Variants in UNC5D observed in about 807,000 individuals in gnomAD.
The protein encoded by UNC5D is unc-5 netrin receptor D.
UNC5D carries 39 observed loss-of-function variants against 105.4 expected under a neutral mutation model. That is an observed-to-expected ratio of 0.37 (90% CI 0.29 to 0.48). The LOEUF is 0.48. Among genes scored for constraint, UNC5D ranks in the 20% least tolerant of loss-of-function variants. The pLI is 0.98. For missense variants in UNC5D, 991 were observed against 1,202.4 expected (o/e 0.82, Z 2.60); for synonymous variants, 452 against 450.4 (o/e 1.00, Z -0.04).
rs1830112211 is a variant in UNC5D at position 35,748,528 on chromosome 8, C to T, written c.1768C>T (p.Leu590Phe). ...TCTATCCTTTTTTCAACTGTGAAGC[C>T]TCCAGTCAGATGGCTCTGAGGTGCT... Reference protein sequence around the residue: ...YMSINQGEPSLQSDGSEVLLS... With the variant: ...YMSINQGEPSFQSDGSEVLLS... Residue 590 changes from leucine (L) to phenylalanine (F), a missense_variant and splice_region_variant, in exon 12 of 17, where the codon CTC becomes TTC. Leu to Phe is a conservative substitution (Grantham distance 22, BLOSUM62 0). Coordinates refer to ENST00000404895, the MANE Select transcript of UNC5D (RefSeq NM_080872.4). The T allele has an allele frequency of 6.2e-7, 1 of 1,612,064 alleles. No homozygotes were observed. Among genetic ancestry groups the T allele is most frequent in the Non-Finnish European group, 8.5e-7 (1 of 1,179,378 alleles).
intron 1 of UNC5D, among the ~76,000 whole-genome samples, chr8:35,455,854 A>G (rs1258744778): frequency 6.6e-6 from 1 of 152,006 alleles, no homozygotes; most frequent in Admixed American, 6.6e-5. Context: ...CAAGAACAAT[A>G]TGGGGAAAAC....
chr8:35,644,386 C>T (rs1166192101), intron 4 of UNC5D, among the ~76,000 whole-genome samples: 5 of 152,052 alleles, frequency 3.3e-5, no homozygotes. Context: ...CCACAGGGGA[C>T]CAAGATGTTT....
At chr8:35,699,726 G>A (rs942143547) in intron 7 of UNC5D, among the ~76,000 whole-genome samples, 2 of 152,146 alleles carry the variant, frequency 1.3e-5, no homozygotes, top group African/African-American at 4.8e-5. Flanking sequence ...GGGAAGCTGG[G>A]GGGAGTAGGG....
intron 1 of UNC5D, among the ~76,000 whole-genome samples, chr8:35,291,512 G>A (rs1321844631): frequency 6.6e-6 from 1 of 152,146 alleles, no homozygotes; most frequent in African/African-American, 2.4e-5. Context: ...CTGATGGTGG[G>A]AAAACGGGCC....
At position 35,413,393 on chromosome 8, in the gene UNC5D, T is replaced by A. The variant is rs62505486; in HGVS notation, c.104-135899T>A. Among the ~76,000 whole-genome samples the A allele has an allele frequency of 1.5e-4, 23 of 151,538 alleles. 1 individual carries two copies. Among genetic ancestry groups the A allele is most frequent in the African/African-American group, 5.3e-4 (22 of 41,320 alleles). Reference sequence around the variant, plus strand: ...TTTACAGACTTTGAAAAAAAAAAGTTATTCAGCTGTTTAACTCCCCTCTTA... The same window carrying A: ...TTTACAGACTTTGAAAAAAAAAAGTAATTCAGCTGTTTAACTCCCCTCTTA... On this transcript the variant is annotated intron_variant, in intron 1 of 16. Transcript: ENST00000404895.
At chr8:35,466,520 AC>A (rs1809314971) in intron 1 of UNC5D, among the ~76,000 whole-genome samples, 1 of 152,186 alleles carries the variant, frequency 6.6e-6, no homozygotes, top group South Asian at 2.1e-4. Flanking sequence ...AAAATGCAAC[AC>A]ATTGGAAATG....
chr8:35,344,588 T>C (rs770060160), intron 1 of UNC5D, among the ~76,000 whole-genome samples: 1 of 152,048 alleles, frequency 6.6e-6, no homozygotes, highest in Non-Finnish European at 1.5e-5. Flanking sequence ...AACAGTAGGC[T>C]CTTTGTAAAC....
chr8:35,766,806 T>C, intron 14 of UNC5D, 96 bp from the exon 15 acceptor site: 1 of 1,127,966 alleles, frequency 8.9e-7, no homozygotes, highest in Non-Finnish European at 1.2e-6. Context: ...GTTGTTGTCG[T>C]CATCATCATC....
intron 1 of UNC5D, among the ~76,000 whole-genome samples, chr8:35,414,595 A>G (rs186729921): frequency 6.6e-6 from 1 of 152,304 alleles, no homozygotes; most frequent in East Asian, 1.9e-4. Flanking sequence ...AAACTAAAAA[A>G]TTACACAGGC....
At chr8:35,262,554 C>T (rs1804565031) in intron 1 of UNC5D, among the ~76,000 whole-genome samples, 1 of 152,146 alleles carries the variant, frequency 6.6e-6, no homozygotes, top group Non-Finnish European at 1.5e-5. Flanking sequence ...AGGAAACAGA[C>T]TTTCACCCAA....
At chr8:35,758,034 T>C (rs1586597945) in intron 13 of UNC5D, among the ~76,000 whole-genome samples, 2 of 152,300 alleles carry the variant, frequency 1.3e-5, no homozygotes, top group East Asian at 1.9e-4. Context: ...CACACAGAGA[T>C]AGAATATTTC....
intron 1 of UNC5D, among the ~76,000 whole-genome samples, chr8:35,533,935 C>T (rs992918377): frequency 1.3e-5 from 2 of 152,208 alleles, no homozygotes; most frequent in African/African-American, 4.8e-5. Flanking sequence ...CACTGGCCTG[C>T]ACCCACTGTC....
intron 10 of UNC5D, chr8:35,726,876 A>C (rs1422581407): frequency 3.5e-6 from 1 of 281,742 alleles, no homozygotes; most frequent in Non-Finnish European, 6.7e-6. Context: ...CTGGCATGAC[A>C]GACCAGGGCC....
chr8:35,660,357 C>T (rs764056277), intron 4 of UNC5D, among the ~76,000 whole-genome samples: 26 of 152,158 alleles, frequency 1.7e-4, no homozygotes, highest in Middle Eastern at 3.2e-3. Context: ...TTAGTTGCTT[C>T]GCAGCTATTT....
intron 1 of UNC5D, among the ~76,000 whole-genome samples, chr8:35,390,784 T>G (rs1344615606): frequency 1.3e-5 from 2 of 152,264 alleles, no homozygotes. Context: ...CAGTTCCAAC[T>G]GACATGTAAT....
At chr8:35,748,781 A>G in intron 12 of UNC5D, 86 bp downstream of exon 12, 2 of 1,445,174 alleles carry the variant, frequency 1.4e-6, no homozygotes, top group Non-Finnish European at 1.9e-6. Flanking sequence ...AACACCACAA[A>G]TCAGCATTTC....
intron 1 of UNC5D, among the ~76,000 whole-genome samples, chr8:35,239,287 C>T (rs1481924276): frequency 1.3e-5 from 2 of 152,104 alleles, no homozygotes; most frequent in Non-Finnish European, 2.9e-5. Flanking sequence ...TCTCTCAGGA[C>T]TGGATGACTG....
chr8:35,648,798 G>T (rs563316239), intron 4 of UNC5D, among the ~76,000 whole-genome samples: 6 of 152,210 alleles, frequency 3.9e-5, no homozygotes, highest in African/African-American at 1.4e-4. Flanking sequence ...GTACAAGTTG[G>T]GGTTCTGATA....
intron 1 of UNC5D, among the ~76,000 whole-genome samples, chr8:35,301,328 AG>A (rs1352024941): frequency 6.6e-6 from 1 of 152,236 alleles, no homozygotes; most frequent in East Asian, 1.9e-4. Context: ...TATAACCTAT[AG>A]GGTAAATTAA....
Sources: gnomAD v4.1 joint callset for allele counts (sites outside exome capture counted in the v4.1 genomes callset) on GRCh38, gnomAD v4.1.1 for gene constraint, MANE v1.5 for transcripts, NCBI Gene and HGNC (gene_info 2026-07-23, HGNC 2026-07-21) for gene names.